MRPL40: variants seen among roughly 807,000 people sequenced by gnomAD.
MRPL40 encodes large ribosomal subunit protein mL40.
Under a neutral mutation model 24.5 loss-of-function variants are expected in MRPL40, and 18 were observed. The observed-to-expected ratio is 0.73, with a 90% CI of 0.51 to 1.09. The LOEUF is 1.09. Ranked by LOEUF, MRPL40 falls within the 50% of genes least tolerant of loss-of-function variation. The pLI is 0.00. For missense variants in MRPL40, 256 were observed against 243.8 expected (o/e 1.05, Z -0.33); for synonymous variants, 108 against 94.6 (o/e 1.14, Z -0.82).
At position 19,435,833 on chromosome 22, in the gene MRPL40, G is replaced by A; in HGVS notation, c.492G>A (p.Arg164=). ...AGCTCCATGCTGAGGCCATCAAGCG[G>A]GATCCTAACCTGTTCCCCTTTGAGA... The part of the protein sequence containing the change: ...SPKLHAEAIK[R]DPNLFPFEKE... The change falls in exon 4 of 4, where the codon CGG becomes CGA. Residue 164 remains arginine (R), a synonymous_variant. Coordinates refer to ENST00000333130, the MANE Select transcript of MRPL40 (RefSeq NM_003776.4). 3 of 1,614,170 alleles carry A rather than the reference G, an allele frequency of 1.9e-6. No homozygotes were observed. The highest frequency in any genetic ancestry group is 2.5e-6 in the Non-Finnish European group (3 of 1,180,030).
rs1290985954 is a variant in MRPL40 at position 19,433,330 on chromosome 22, GGGA to G, written c.120_122del (p.Trp40_Glu41delinsTer). 1.2e-6 allele frequency: 2 copies of G among 1,611,062 alleles called. No homozygotes were observed. Among genetic ancestry groups the G allele is most frequent in the Admixed American group, 1.7e-5 (1 of 59,986 alleles). ...CAGCGAGCGTCATTGTTGTCTTTCT[GGGA>G]ACTCATTCCCATGAGGTAAAACTCA... On this transcript the variant is annotated stop_gained and inframe_deletion, in exon 2 of 4. Transcript: ENST00000333130. LOFTEE classifies it high-confidence loss of function.
In MRPL40 at chr22:19,433,293, A is replaced by G. The variant is rs1204598710; in HGVS notation, c.82A>G (p.Arg28Gly). Reference protein sequence around the residue: ...GLLGTWQTQLRETHQRASLLS... With the variant: ...GLLGTWQTQLGETHQRASLLS... ...TCTGGGAACTTGGCAGACGCAGCTTAGAGAGACTCACCAGCGAGCGTCATT... is the reference window on the plus strand; with the variant it reads ...TCTGGGAACTTGGCAGACGCAGCTTGGAGAGACTCACCAGCGAGCGTCATT... Residue 28 changes from arginine (R) to glycine (G), a missense_variant, in exon 2 of 4, where the codon AGA becomes GGA. By Grantham distance (125) the Arg-to-Gly change is moderately radical. Transcript: ENST00000333130. 1.2e-6 allele frequency: 2 copies of G among 1,613,030 alleles called. No individual in the cohort carries two copies. Among genetic ancestry groups the G allele is most frequent in the Non-Finnish European group, 8.5e-7 (1 of 1,179,066 alleles).
chr22:19,433,161 G>A (rs759363406), intron 1 of MRPL40, 104 bp from the exon 2 acceptor site: 4 of 710,578 alleles, frequency 5.6e-6, no homozygotes, highest in African/African-American at 1.8e-5. Flanking sequence ...TCCTGACCTC[G>A]CGATCCACCC....
At position 19,436,048 on chromosome 22, in the gene MRPL40, C is replaced by A; in HGVS notation, c.*86C>A. ...TCTGCTTTCCACAGAATCAGGCATG[C>A]TGTTAATAAATACTGGTTTAATCAA... On this transcript the variant is annotated 3_prime_UTR_variant, in exon 4 of 4. Transcript: ENST00000333130. The A allele has an allele frequency of 8.6e-7, 1 of 1,156,608 alleles. No homozygotes were observed. The highest frequency in any genetic ancestry group is 1.2e-6 in the Non-Finnish European group (1 of 807,446). 71.6% of individuals were successfully genotyped at this position (1,156,608 alleles called of 1,614,324 possible).
At chr22:19,434,654 G>C in intron 2 of MRPL40, 82 bp from the exon 3 acceptor site, 1 of 1,200,554 alleles carries the variant, frequency 8.3e-7, no homozygotes, top group Non-Finnish European at 1.2e-6. Flanking sequence ...GGAGAGGTCA[G>C]TATGGGGTAC....
chr22:19,432,646 G>A, intron 1 of MRPL40, 39 bp downstream of exon 1: 1 of 1,529,622 alleles, frequency 6.5e-7, no homozygotes, highest in Non-Finnish European at 8.8e-7. Flanking sequence ...AGTGCCCAGG[G>A]CGCGTGCGGG....
In MRPL40 at chr22:19,436,036, G is replaced by C. The variant is rs1462046807; in HGVS notation, c.*74G>C. 6 of 1,216,598 alleles carry C rather than the reference G, an allele frequency of 4.9e-6. No individual in the cohort carries two copies. Among genetic ancestry groups the C allele is most frequent in the Non-Finnish European group, 1.2e-6 (1 of 854,090 alleles). 75.4% of individuals were successfully genotyped at this position (1,216,598 alleles called of 1,614,324 possible). On this transcript the variant is annotated 3_prime_UTR_variant, in exon 4 of 4. Coordinates refer to ENST00000333130, the MANE Select transcript of MRPL40 (RefSeq NM_003776.4). Reference sequence around the variant, plus strand: ...CCAGGGTTCAAGTCTGCTTTCCACAGAATCAGGCATGCTGTTAATAAATAC... The same window carrying C: ...CCAGGGTTCAAGTCTGCTTTCCACACAATCAGGCATGCTGTTAATAAATAC...
chr22:19,432,687 G>GTGCTC, intron 1 of MRPL40, 80 bp downstream of exon 1: 1 of 1,474,716 alleles, frequency 6.8e-7, no homozygotes, highest in Non-Finnish European at 9.0e-7. Flanking sequence ...GGACTCGCCT[G>GTGCTC]TGCTCCCTGC....
rs1391840403 is a variant in MRPL40 at position 19,432,554 on chromosome 22, C to T, written c.-1C>T. The T allele has an allele frequency of 4.5e-6, 7 of 1,549,024 alleles. No homozygotes were observed. Among genetic ancestry groups the T allele is most frequent in the Middle Eastern group, 1.7e-4 (1 of 5,816 alleles). On this transcript the variant is annotated 5_prime_UTR_variant, in exon 1 of 4. Transcript: ENST00000333130. ...CACGCCCGGAAGCGGCGAGGGTAGC[C>T]ATGACGGCCTCCGTGCTGCGAAGTA...
intron 1 of MRPL40, 182 bp downstream of exon 1, chr22:19,432,789 T>A: frequency 7.2e-7 from 1 of 1,389,220 alleles, no homozygotes. Flanking sequence ...GCAGCGGTCC[T>A]GCTTAAGTCC....
At chr22:19,434,946 A>G (rs1030698336) in intron 3 of MRPL40, 52 bp downstream of exon 3, 2 of 1,458,252 alleles carry the variant, frequency 1.4e-6, no homozygotes, top group African/African-American at 1.4e-5. Flanking sequence ...AGTAATATCA[A>G]CTTCAGGTAG....
chr22:19,435,806 G>C lies in MRPL40; in HGVS notation c.465G>C (p.Pro155=). 6.2e-7 allele frequency: 1 copy of C among 1,614,160 alleles called. No individual in the cohort carries two copies. The highest frequency in any genetic ancestry group is 8.5e-7 in the Non-Finnish European group (1 of 1,180,030). ...TGGAGGAACTGCAACTGGAATCCCC[G>C]AAGCTCCATGCTGAGGCCATCAAGC... is the stretch of plus-strand genomic sequence containing the variant. ...EALEELQLES[P]KLHAEAIKRD... is the part of the protein sequence containing the mutation. The change falls in exon 4 of 4, where the codon CCG becomes CCC. Residue 155 remains proline (P), a synonymous_variant. Coordinates refer to ENST00000333130, the MANE Select transcript of MRPL40 (RefSeq NM_003776.4).
chr22:19,434,610 CAT>C, intron 2 of MRPL40, 124 bp from the exon 3 acceptor site: 1 of 703,016 alleles, frequency 1.4e-6, no homozygotes, highest in Non-Finnish European at 2.3e-6. Context: ...ACGCTGAGCT[CAT>C]GAGTTAGTCA....
In MRPL40 at chr22:19,435,870, C is replaced by T. The variant is rs370374007; in HGVS notation, c.529C>T (p.His177Tyr). The T allele has an allele frequency of 9.3e-6, 15 of 1,614,136 alleles. No homozygotes were observed. In the African/African-American group the frequency reaches 1.5e-4, roughly 16 times the overall value. The change falls in exon 4 of 4, where the codon CAT (histidine) becomes TAT (tyrosine). Residue 177 changes from histidine to tyrosine, a missense_variant. Physicochemically the swap from His to Tyr is moderately conservative, Grantham distance 83. Coordinates refer to ENST00000333130, the MANE Select transcript of MRPL40 (RefSeq NM_003776.4). The stretch of plus-strand genomic sequence containing the variant: ...GTTCCCCTTTGAGAAGGAAGGGCCA[C>T]ATTACACACCACCGATCCCTAACTA... ...NLFPFEKEGP[H>Y]YTPPIPNYQP...
rs373411532 is a variant in MRPL40, at chr22:19,435,642, C to A, written c.301C>A (p.Arg101=). 1.8e-5 allele frequency: 29 copies of A among 1,610,548 alleles called. No homozygotes were observed. The highest frequency in any genetic ancestry group is 2.5e-5 in the Non-Finnish European group (29 of 1,177,934). ...TAACCCTTAGCTTCTTTGCAGAGAG[C>A]GGCCTCAGGTGGAGCTCACCTTTGA... is the stretch of plus-strand genomic sequence containing the variant. ...PLKFLDKARE[R]PQVELTFEET... is the part of the protein sequence containing the mutation. The change falls in exon 4 of 4, where the codon CGG becomes AGG. Residue 101 remains arginine (R), a synonymous_variant. Transcript: ENST00000333130.
chr22:19,433,715 G>T (rs1215918835), intron 2 of MRPL40, among the ~76,000 whole-genome samples: 1 of 152,062 alleles, frequency 6.6e-6, no homozygotes, highest in African/African-American at 2.4e-5. Flanking sequence ...TGGCACTCTC[G>T]ACTCTTTGTA....
Position 19,435,639 on chromosome 22 carries a change from G to C in MRPL40, c.298G>C (p.Glu100Gln). Residue 100 changes from glutamate (E) to glutamine (Q), a missense_variant and splice_region_variant, in exon 4 of 4, where the codon GAG becomes CAG. Transcript: ENST00000333130. ...TPLKFLDKAR[E>Q]RPQVELTFEE... Reference sequence around the variant, plus strand: ...TGGTAACCCTTAGCTTCTTTGCAGAGAGCGGCCTCAGGTGGAGCTCACCTT... The same window carrying C: ...TGGTAACCCTTAGCTTCTTTGCAGACAGCGGCCTCAGGTGGAGCTCACCTT... 1 of 1,611,040 alleles carries C rather than the reference G, an allele frequency of 6.2e-7. No individual in the cohort carries two copies. The highest frequency in any genetic ancestry group is 8.5e-7 in the Non-Finnish European group (1 of 1,178,198).
At chr22:19,433,381 G>T in intron 2 of MRPL40, 33 bp downstream of exon 2, 1 of 1,325,006 alleles carries the variant, frequency 7.5e-7, no homozygotes, top group East Asian at 2.3e-5. Context: ...ACCTCTGGGG[G>T]TAAAGGTGTC....
At chr22:19,433,515 T>C (rs2089565075) in intron 2 of MRPL40, among the ~76,000 whole-genome samples, 167 bp downstream of exon 2, 1 of 152,204 alleles carries the variant, frequency 6.6e-6, no homozygotes, top group Non-Finnish European at 1.5e-5. Context: ...TTCCAAACCA[T>C]AGATTGTTGT....
Sources: gnomAD v4.1 joint callset for allele counts (sites outside exome capture counted in the v4.1 genomes callset) on GRCh38, gnomAD v4.1.1 for gene constraint, MANE v1.5 for transcripts, NCBI Gene and HGNC (gene_info 2026-07-23, HGNC 2026-07-21) for gene names.